BTD: variants seen among roughly 807,000 people sequenced by gnomAD.
BTD encodes the protein biotinidase, also known as biocytinase.
Under a neutral mutation model 17.7 loss-of-function variants are expected in BTD, and 13 were observed. The ratio of observed to expected loss-of-function variants is 0.74; its 90% CI spans 0.48 to 1.17. The LOEUF is 1.17. Ranked by LOEUF, BTD falls within the 50% of genes most tolerant of loss-of-function variation. The probability of loss-of-function intolerance (pLI) is 0.00; values close to 1 mark genes in which losing one functional copy is unlikely to be tolerated. For missense variants in BTD, 674 were observed against 650.4 expected (o/e 1.04, Z -0.39); for synonymous variants, 240 against 245.2 (o/e 0.98, Z 0.20).
At chr3:15,711,595 A>C (rs1435904111) in exon 4 of BTD, among the ~76,000 whole-genome samples, 2 of 152,220 alleles carry the variant, frequency 1.3e-5, no homozygotes, top group East Asian at 3.8e-4. Context: ...TATAGAGATG[A>C]AAAGTAGATT....
chr3:15,684,076 A>G (rs910750277), intron 3 of BTD: 1 of 152,212 alleles, frequency 6.6e-6, no homozygotes, highest in Non-Finnish European at 1.5e-5. Context: ...AATTGAAAAC[A>G]AATTTTAAAA....
At chr3:15,664,389 GC>G (rs1225945704) in intron 3 of BTD, among the ~76,000 whole-genome samples, 1 of 152,238 alleles carries the variant, frequency 6.6e-6, no homozygotes, top group Non-Finnish European at 1.5e-5. Context: ...CTGCTAGGCT[GC>G]AACAGGAATG....
intron 3 of BTD, chr3:15,670,309 G>A (rs759729140): frequency 4.2e-5 from 67 of 1,611,940 alleles, no homozygotes; most frequent in East Asian, 2.0e-4. Context: ...GCTCATCCAC[G>A]TCAGTGTATA....
intron 3 of BTD, among the ~76,000 whole-genome samples, chr3:15,692,719 T>C (rs1245892734): frequency 1.3e-5 from 2 of 152,194 alleles, no homozygotes; most frequent in Non-Finnish European, 2.9e-5. Context: ...TAGAGATAGA[T>C]ATGAAATGCA....
chr3:15,686,468 C>T, intron 3 of BTD: 1 of 638,760 alleles, frequency 1.6e-6, no homozygotes, highest in East Asian at 2.7e-5. Context: ...TTTCTACGGC[C>T]TTTGACTGTT....
chr3:15,696,751 T>C (rs2069637674), intron 3 of BTD, among the ~76,000 whole-genome samples: 1 of 152,152 alleles, frequency 6.6e-6, no homozygotes, highest in South Asian at 2.1e-4. Context: ...AGAAGAGGTA[T>C]ATAAACAGAG....
At chr3:15,681,377 T>G (rs2067531323) in intron 3 of BTD, among the ~76,000 whole-genome samples, 1 of 152,226 alleles carries the variant, frequency 6.6e-6, no homozygotes, top group South Asian at 2.1e-4. Context: ...CATCAATATC[T>G]GGTCCATAGT....
intron 4 of BTD, chr3:15,721,046 T>C (rs763761780): frequency 9.3e-6 from 15 of 1,613,784 alleles, no homozygotes; most frequent in Middle Eastern, 1.6e-4. Context: ...CCACAGTCTA[T>C]AAGTTCATTC....
chr3:15,628,018 AG>A (rs2065109625), intron 1 of BTD, among the ~76,000 whole-genome samples: 1 of 152,186 alleles, frequency 6.6e-6, no homozygotes, highest in African/African-American at 2.4e-5. Context: ...CACCATGCCC[AG>A]CCCCAAGGGT....
chr3:15,679,630 G>T, intron 3 of BTD: 1 of 1,264,520 alleles, frequency 7.9e-7, no homozygotes, highest in Admixed American at 2.1e-5. Context: ...ACAGGTACAT[G>T]TAAGTGTTTA....
At chr3:15,615,929 C>G (rs900131643) in intron 1 of BTD, among the ~76,000 whole-genome samples, 1 of 152,112 alleles carries the variant, frequency 6.6e-6, no homozygotes, top group Non-Finnish European at 1.5e-5. Context: ...GGTTTCTTTC[C>G]TTTAGTAATA....
intron 3 of BTD, among the ~76,000 whole-genome samples, chr3:15,682,034 G>A (rs2067600133): frequency 6.6e-6 from 1 of 151,984 alleles, no homozygotes; most frequent in Non-Finnish European, 1.5e-5. Flanking sequence ...TCATTCTCCA[G>A]GTATATGGGT....
rs1003975438 is a variant in BTD at position 15,644,532 on chromosome 3, A to G, written c.616A>G (p.Lys206Glu). 3.1e-6 allele frequency: 5 copies of G among 1,614,026 alleles called. No individual in the cohort carries two copies. In the African/African-American group the frequency reaches 5.3e-5, roughly 17 times the overall value. Residue 206 changes from lysine (K) to glutamate (E), a missense_variant, in exon 4 of 4, where the codon AAA becomes GAA. Coordinates refer to ENST00000643237, the MANE Select transcript of BTD (RefSeq NM_001370658.1). The stretch of plus-strand genomic sequence containing the variant: ...TGAGGCAGCATTCGATGTTCCTCTT[A>G]AAGTGGATCTCATCACCTTTGATAC... Reference protein sequence around the residue: ...YFEAAFDVPLKVDLITFDTPF... With the variant: ...YFEAAFDVPLEVDLITFDTPF...
chr3:15,620,078 C>T (rs2064905677), intron 1 of BTD, among the ~76,000 whole-genome samples: 1 of 152,124 alleles, frequency 6.6e-6, no homozygotes, highest in Admixed American at 6.5e-5. Flanking sequence ...GATCACAGGG[C>T]AAAGGGCAAA....
At chr3:15,612,668 T>G (rs1287787346) in intron 1 of BTD, among the ~76,000 whole-genome samples, 1 of 151,436 alleles carries the variant, frequency 6.6e-6, no homozygotes, top group African/African-American at 2.4e-5. Context: ...CTGGTGAGTT[T>G]TCTTCAATTA....
At chr3:15,716,519 T>C (rs559224964), downstream of BTD, among the ~76,000 whole-genome samples, 4 of 152,058 alleles carry the variant, frequency 2.6e-5, no homozygotes, top group East Asian at 1.9e-4. Context: ...CTTGGGCTCA[T>C]GTGATTCTCC....
intron 1 of BTD, among the ~76,000 whole-genome samples, chr3:15,634,491 A>T (rs1355048345): frequency 6.6e-6 from 1 of 152,230 alleles, no homozygotes; most frequent in Non-Finnish European, 1.5e-5. Flanking sequence ...ACAGTAATGC[A>T]CACTGTTTAG....
intron 4 of BTD, among the ~76,000 whole-genome samples, chr3:15,719,516 G>C (rs1024976551): frequency 3.3e-5 from 5 of 152,056 alleles, no homozygotes; most frequent in Non-Finnish European, 7.4e-5. Flanking sequence ...TCAAAATCTG[G>C]ATTGCATGTG....
At chr3:15,704,441 A>C (rs1400425086) in intron 3 of BTD, among the ~76,000 whole-genome samples, 1 of 152,190 alleles carries the variant, frequency 6.6e-6, no homozygotes, top group East Asian at 1.9e-4. Context: ...TCCAAAGTAT[A>C]AACAACAACT....
Sources: allele counts gnomAD v4.1 joint callset (sites outside exome capture counted in the v4.1 genomes callset), GRCh38; gene constraint gnomAD v4.1.1; transcripts MANE v1.5; gene names NCBI Gene and HGNC (gene_info 2026-07-23, HGNC 2026-07-21).